The following ANKRD17 variants were observed in gnomAD, a reference collection of about 807,000 sequenced individuals.
ANKRD17 encodes ankyrin repeat domain 17.
A neutral mutation model predicts 229.7 loss-of-function variants in ANKRD17; 19 were observed. That is an observed-to-expected ratio of 0.08 (90% CI 0.06 to 0.12). The LOEUF (loss-of-function observed/expected upper bound fraction) is 0.12, where lower values mean the gene tolerates loss of function less well. Ranked by LOEUF, ANKRD17 falls within the 10% of genes least tolerant of loss-of-function variation. The probability of loss-of-function intolerance (pLI) is 1.00; values close to 1 mark genes in which losing one functional copy is unlikely to be tolerated. For synonymous variants in ANKRD17, 1,112 were observed against 1,146.1 expected, an observed-to-expected ratio of 0.97 and a Z score of 0.60; for missense variants, 2,176 against 3,176.8, an observed-to-expected ratio of 0.68 and a Z score of 7.57.
intron 3 of ANKRD17, among the ~76,000 whole-genome samples, chr4:73,156,951 T>C (rs1731743931): frequency 6.6e-6 from 1 of 152,174 alleles, no homozygotes; most frequent in Non-Finnish European, 1.5e-5. Flanking sequence ...TTCATTGAGT[T>C]TTTTACAATC....
chr4:73,211,847 CAAAAAA>C (rs567271450), intron 1 of ANKRD17, among the ~76,000 whole-genome samples: 3 of 49,746 alleles, frequency 6.0e-5, no homozygotes, highest in African/African-American at 6.9e-5. Context: ...AACTCTGTCT[CAAAAAA>C]AAAAAAAAAA....
At chr4:73,232,189 G>A (rs1191641432) in intron 1 of ANKRD17, among the ~76,000 whole-genome samples, 1 of 152,100 alleles carries the variant, frequency 6.6e-6, no homozygotes, top group Non-Finnish European at 1.5e-5. Context: ...GATCAGCCAC[G>A]TCTTTAGAAG....
chr4:73,251,558 A>T (rs1158080188), intron 1 of ANKRD17, among the ~76,000 whole-genome samples: 2 of 111,092 alleles, frequency 1.8e-5, no homozygotes, highest in African/African-American at 4.6e-5. Flanking sequence ...AGCTGAAAAA[A>T]GTTAGGTTTG....
At chr4:73,155,511 AAT>A (rs1444762143) in intron 5 of ANKRD17, 118 bp downstream of exon 5, 3 of 1,036,688 alleles carry the variant, frequency 2.9e-6, no homozygotes, top group Non-Finnish European at 4.3e-6. Context: ...GATGTGTGAG[AAT>A]ATGTAGCACT....
intron 30 of ANKRD17, among the ~76,000 whole-genome samples, chr4:73,084,880 T>A (rs1003396605): frequency 3.3e-5 from 5 of 151,950 alleles, no homozygotes; most frequent in Non-Finnish European, 7.4e-5. Flanking sequence ...TTAATTTTTT[T>A]CCCCCAAAAA....
At chr4:73,155,146 CAA>C (rs1316561812) in intron 5 of ANKRD17, among the ~76,000 whole-genome samples, 3 of 151,552 alleles carry the variant, frequency 2.0e-5, no homozygotes, top group Admixed American at 2.0e-4. Flanking sequence ...TATCTAGGCC[CAA>C]ATTTGAAAAA....
At chr4:73,169,257 C>T (rs1052553095) in intron 2 of ANKRD17, among the ~76,000 whole-genome samples, 5 of 152,170 alleles carry the variant, frequency 3.3e-5, no homozygotes, top group Non-Finnish European at 7.3e-5. Flanking sequence ...AGGCACATCA[C>T]AGCATTCTCA....
chr4:73,132,783 A>T (rs758899013), intron 16 of ANKRD17, among the ~76,000 whole-genome samples: 1 of 152,220 alleles, frequency 6.6e-6, no homozygotes, highest in Non-Finnish European at 1.5e-5. Context: ...TCATTTCACC[A>T]TCACTACAGT....
chr4:73,197,232 C>T (rs545305456), intron 1 of ANKRD17, among the ~76,000 whole-genome samples: 2 of 152,274 alleles, frequency 1.3e-5, no homozygotes, highest in African/African-American at 2.4e-5. Context: ...TATATTCCTA[C>T]AGCCATATAG....
intron 1 of ANKRD17, among the ~76,000 whole-genome samples, chr4:73,182,206 GA>G (rs1029596044): frequency 3.3e-5 from 5 of 151,726 alleles, no homozygotes; most frequent in Admixed American, 1.3e-4. Flanking sequence ...TCTAAGGGGG[GA>G]AAAAAGTTAT....
At chr4:73,234,301 T>G (rs955095004) in intron 1 of ANKRD17, among the ~76,000 whole-genome samples, 1 of 152,222 alleles carries the variant, frequency 6.6e-6, no homozygotes, top group South Asian at 2.1e-4. Flanking sequence ...ATGCCCCCTT[T>G]TAAATGCAAC....
At chr4:73,109,942 G>A (rs990270477) in intron 24 of ANKRD17, among the ~76,000 whole-genome samples, 1 of 138,268 alleles carries the variant, frequency 7.2e-6, no homozygotes, top group African/African-American at 2.7e-5. Context: ...AGAATGAAAT[G>A]TGTGAAACCG....
At chr4:73,145,395 G>T (rs1730136060) in intron 10 of ANKRD17, among the ~76,000 whole-genome samples, 1 of 152,046 alleles carries the variant, frequency 6.6e-6, no homozygotes, top group Admixed American at 6.6e-5. Context: ...TGTTACAAGA[G>T]CTTTCTGGGT....
At chr4:73,097,069 G>T in intron 27 of ANKRD17, 48 bp downstream of exon 27, 1 of 1,552,202 alleles carries the variant, frequency 6.4e-7, no homozygotes, top group South Asian at 1.2e-5. Context: ...GATAACACTT[G>T]ACTGTGATAT....
In ANKRD17 at chr4:73,200,920, G is replaced by A. The variant is rs146468724; in HGVS notation, c.394-23387C>T. Reference sequence around the variant, plus strand: ...CACTCTCTCCTTTCCAACAAAGGCTGAACTTAGATACCCAGAATAAAAAAG... The same window carrying A: ...CACTCTCTCCTTTCCAACAAAGGCTAAACTTAGATACCCAGAATAAAAAAG... On this transcript the variant is annotated intron_variant, in intron 1 of 33. Transcript: ENST00000358602. Among the ~76,000 whole-genome samples the A allele has an allele frequency of 6.6e-3, 782 of 118,896 alleles. 2 individuals are homozygous for A. Among genetic ancestry groups the A allele is most frequent in the Admixed American group, 0.013 (102 of 8,052 alleles). The allele number at this position is 118,896 out of a possible 152,430, so 78.0% of individuals were successfully genotyped here.
chr4:73,129,893 G>A (rs531176623), intron 16 of ANKRD17, among the ~76,000 whole-genome samples: 2 of 151,388 alleles, frequency 1.3e-5, no homozygotes, highest in East Asian at 3.9e-4. Context: ...CTCCCGAGTA[G>A]CTGGGACTAC....
intron 1 of ANKRD17, among the ~76,000 whole-genome samples, chr4:73,239,023 T>G (rs2149256945): frequency 6.6e-6 from 1 of 152,282 alleles, no homozygotes; most frequent in African/African-American, 2.4e-5. Context: ...CAGTAAGCAC[T>G]CACTAAACTA....
chr4:73,177,504 A>G lies in ANKRD17; in HGVS notation c.423T>C (p.Asp141=). 2 of 1,613,392 alleles carry G rather than the reference A, an allele frequency of 1.2e-6. No homozygotes were observed. The highest frequency in any genetic ancestry group is 1.7e-6 in the Non-Finnish European group (2 of 1,179,596). Residue 141 remains aspartate (D), a synonymous_variant, in exon 2 of 34, where the codon GAT becomes GAC. Transcript: ENST00000358602. ...CTGTTTCCAGCATTGGATTTTCCAAATCATCCTGATCCAAAATGAAAGACT... is the reference window on the plus strand; with the variant it reads ...CTGTTTCCAGCATTGGATTTTCCAAGTCATCCTGATCCAAAATGAAAGACT... The part of the protein sequence containing the change: ...EVESFILDQD[D]LENPMLETAS...
rs1157938281 is a variant in ANKRD17 at position 73,085,411 on chromosome 4, T to C, written c.6997A>G (p.Thr2333Ala). The C allele has an allele frequency of 1.2e-6, 2 of 1,614,082 alleles. No homozygotes were observed. Among genetic ancestry groups the C allele is most frequent in the South Asian group, 2.2e-5 (2 of 91,078 alleles). Residue 2333 changes from threonine to alanine, a missense_variant, in exon 30 of 34, where the codon ACA becomes GCA. Thr to Ala is a moderately conservative substitution (Grantham distance 58). This residue lies in a region of ANKRD17 where 87 missense variants were observed against 116.0 expected (regional missense o/e 0.75). Coordinates refer to ENST00000358602, the MANE Select transcript of ANKRD17 (RefSeq NM_032217.5). ...VNMDSPYGSV[T>A]PSSTHLGNFA... ...TTTCCCAAATGTGTTGAAGAAGGTG[T>C]TACAGAACCATATGGCGAGTCCATA...
Sources: gnomAD v4.1 joint callset for allele counts (sites outside exome capture counted in the v4.1 genomes callset) on GRCh38, gnomAD v4.1.1 for gene constraint, gnomAD v4.1.1 regional missense constraint, MANE v1.5 for transcripts, NCBI Gene and HGNC (gene_info 2026-07-23, HGNC 2026-07-21) for gene names.